MPRIP: variants seen among roughly 807,000 people sequenced by gnomAD.
MPRIP encodes the protein myosin phosphatase Rho-interacting protein.
MPRIP carries 59 observed loss-of-function variants against 234.9 expected under a neutral mutation model. That is an observed-to-expected ratio of 0.25 (90% confidence interval 0.20 to 0.31). The LOEUF (loss-of-function observed/expected upper bound fraction) is 0.31, where lower values mean the gene tolerates loss of function less well. Ranked by LOEUF, MPRIP falls within the 10% of genes least tolerant of loss-of-function variation. The probability of loss-of-function intolerance (pLI) is 1.00; values close to 1 mark genes in which losing one functional copy is unlikely to be tolerated. For synonymous variants in MPRIP, 1,144 were observed against 1,263.9 expected, an observed-to-expected ratio of 0.91 and a Z score of 2.01; for missense variants, 2,436 against 3,071.0, an observed-to-expected ratio of 0.79 and a Z score of 4.89.
chr17:17,184,659 A>C (rs945264686), intron 23 of MPRIP, among the ~76,000 whole-genome samples, 164 bp from the exon 24 acceptor site: 2 of 152,076 alleles, frequency 1.3e-5, no homozygotes, highest in African/African-American at 2.4e-5. Context: ...CTCCAATAAC[A>C]GCATTTCCCG....
At chr17:17,104,444 G>A (rs2090023503) in intron 3 of MPRIP, among the ~76,000 whole-genome samples, 1 of 152,196 alleles carries the variant, frequency 6.6e-6, no homozygotes, top group Non-Finnish European at 1.5e-5. Context: ...CTGAGGAGAT[G>A]TGGCATGAAG....
chr17:17,176,537 G>T (rs1043907847), intron 21 of MPRIP, 25 bp downstream of exon 21: 5 of 1,588,394 alleles, frequency 3.1e-6, no homozygotes, highest in Non-Finnish European at 4.3e-6. Flanking sequence ...CCACAGGAGG[G>T]CGGGTACGGG....
chr17:17,103,460 A>C (rs1051781386), intron 3 of MPRIP, among the ~76,000 whole-genome samples: 7 of 152,150 alleles, frequency 4.6e-5, no homozygotes. Context: ...GAGCTTAACC[A>C]GCTCACCTTG....
intron 16 of MPRIP, among the ~76,000 whole-genome samples, chr17:17,169,527 G>A (rs2046083963): frequency 6.6e-6 from 1 of 152,252 alleles, no homozygotes; most frequent in African/African-American, 2.4e-5. Flanking sequence ...TGCTGGGCCA[G>A]TGTCACTAGG....
At chr17:17,143,893 C>T (rs2045398070) in intron 9 of MPRIP, among the ~76,000 whole-genome samples, 1 of 152,206 alleles carries the variant, frequency 6.6e-6, no homozygotes, top group Non-Finnish European at 1.5e-5. Context: ...GCATCCTGAG[C>T]TCTGGGAGGA....
intron 1 of MPRIP, among the ~76,000 whole-genome samples, chr17:17,051,995 C>T (rs1240549488): frequency 1.3e-5 from 2 of 152,252 alleles, no homozygotes; most frequent in Non-Finnish European, 2.9e-5. Flanking sequence ...CCTCTACCTA[C>T]TATATTGTGT....
chr17:17,107,660 G>A (rs1255417875), intron 3 of MPRIP, among the ~76,000 whole-genome samples: 1 of 152,206 alleles, frequency 6.6e-6, no homozygotes, highest in African/African-American at 2.4e-5. Flanking sequence ...CCCTGCTAGA[G>A]AGCAATCCCT....
At chr17:17,113,885 CTTTTT>C (rs1396154528) in intron 3 of MPRIP, among the ~76,000 whole-genome samples, 1 of 98,422 alleles carries the variant, frequency 1.0e-5, no homozygotes, top group African/African-American at 4.3e-5. Context: ...CTTTTCTTTT[CTTTTT>C]TTTTTTTTTT....
intron 3 of MPRIP, among the ~76,000 whole-genome samples, chr17:17,109,671 G>A (rs559520994): frequency 8.5e-5 from 13 of 152,312 alleles, no homozygotes; most frequent in African/African-American, 3.1e-4. Flanking sequence ...GCGAAACAAT[G>A]AGCACACCTG....
intron 1 of MPRIP, among the ~76,000 whole-genome samples, chr17:17,068,083 T>C (rs2070532517): frequency 6.6e-6 from 1 of 152,166 alleles, no homozygotes; most frequent in African/African-American, 2.4e-5. Flanking sequence ...CTGTTTTATT[T>C]CTGATAACAA....
chr17:17,059,922 T>TA (rs762099614), intron 1 of MPRIP, among the ~76,000 whole-genome samples: 1 of 152,174 alleles, frequency 6.6e-6, no homozygotes, highest in Non-Finnish European at 1.5e-5. Flanking sequence ...CTTCCCCAAG[T>TA]ACTCCCAATT....
intron 7 of MPRIP, among the ~76,000 whole-genome samples, chr17:17,140,181 G>T (rs1427052446): frequency 1.3e-5 from 2 of 152,188 alleles, no homozygotes; most frequent in Non-Finnish European, 2.9e-5. Flanking sequence ...GTGTCGTGGT[G>T]GCTCCAGAGC....
chr17:17,166,812 G>T lies in MPRIP; in HGVS notation c.5221G>T (p.Val1741Phe), dbSNP rs1185660175. Residue 1741 changes from valine to phenylalanine, a missense_variant, in exon 16 of 24, where the codon GTT becomes TTT. This residue lies in a region of MPRIP where 1,998 missense variants were observed against 2,520.3 expected (regional missense o/e 0.79). Transcript: ENST00000651222. This position sits in a 1 kb window ranked among gnomAD's most constrained non-coding sequence, Gnocchi z 4.4. The part of the protein sequence containing the change: ...LRLPAGHEDG[V>F]QLSWDLSPLG... ...GCTTCCAGCGGGCCATGAAGATGGT[G>T]TTCAGCTGTCCTGGGACCTGAGCCC... 1 of 1,304,114 alleles carries T rather than the reference G, an allele frequency of 7.7e-7. No homozygotes were observed. Among genetic ancestry groups the T allele is most frequent in the Non-Finnish European group, 1.0e-6 (1 of 988,968 alleles). The allele number at this position is 1,304,114 out of a possible 1,614,324, so 80.8% of individuals were successfully genotyped here.
At chr17:17,115,118 T>C (rs983150026) in intron 3 of MPRIP, among the ~76,000 whole-genome samples, 32 of 152,308 alleles carry the variant, frequency 2.1e-4, no homozygotes, top group African/African-American at 7.7e-4. Context: ...CTGCACATCT[T>C]GGAGGCCCCC....
chr17:17,102,123 A>G (rs934310603), intron 3 of MPRIP, among the ~76,000 whole-genome samples: 1 of 152,004 alleles, frequency 6.6e-6, no homozygotes, highest in Non-Finnish European at 1.5e-5. Context: ...CCTGGACTCA[A>G]GCAATCCTCC....
intron 3 of MPRIP, among the ~76,000 whole-genome samples, chr17:17,121,510 G>A (rs2090388187): frequency 1.3e-5 from 2 of 152,166 alleles, no homozygotes; most frequent in Admixed American, 1.3e-4. Context: ...GGAAGAGTTT[G>A]CAGCAGTGCG....
intron 3 of MPRIP, among the ~76,000 whole-genome samples, chr17:17,083,630 G>A (rs2089517591): frequency 6.6e-6 from 1 of 152,188 alleles, no homozygotes; most frequent in South Asian, 2.1e-4. Context: ...AGTTCCCATT[G>A]CTCCCTAAGC....
At chr17:17,094,061 T>TCC (rs993992729) in intron 3 of MPRIP, among the ~76,000 whole-genome samples, 9 of 152,000 alleles carry the variant, frequency 5.9e-5, no homozygotes, top group Non-Finnish European at 4.4e-5. Context: ...CTCTCTCTCT[T>TCC]TCTCTCTCTC....
At chr17:17,170,488 C>A (rs1306340056) in intron 16 of MPRIP, among the ~76,000 whole-genome samples, 1 of 152,166 alleles carries the variant, frequency 6.6e-6, no homozygotes, top group Non-Finnish European at 1.5e-5. Flanking sequence ...TCCAGACTGA[C>A]CACGAGTTTG....
Sources: allele counts gnomAD v4.1 joint callset (sites outside exome capture counted in the v4.1 genomes callset), GRCh38; gene constraint gnomAD v4.1.1; regional missense constraint gnomAD v4.1.1; non-coding constraint Gnocchi (gnomAD v3.1); transcripts MANE v1.5; gene names NCBI Gene and HGNC (gene_info 2026-07-23, HGNC 2026-07-21).